Variants in SLC25A10 observed in about 807,000 individuals in gnomAD.
SLC25A10 encodes solute carrier family 25 member 10, also known as mitochondrial dicarboxylate carrier.
A neutral mutation model predicts 40.4 loss-of-function variants in SLC25A10; 32 were observed. The ratio of observed to expected loss-of-function variants is 0.79; its 90% CI spans 0.60 to 1.06. The LOEUF (loss-of-function observed/expected upper bound fraction) is 1.06, where lower values mean the gene tolerates loss of function less well. Among genes scored for constraint, SLC25A10 ranks in the 50% least tolerant of loss-of-function variants. The pLI is 0.00. For synonymous variants in SLC25A10, 181 were observed against 171.1 expected, an observed-to-expected ratio of 1.06 and a Z score of -0.45; for missense variants, 394 against 402.6, an observed-to-expected ratio of 0.98 and a Z score of 0.18.
chr17:81,715,942 C>G, intron 4 of SLC25A10, 67 bp from the exon 5 acceptor site: 8 of 1,523,754 alleles, frequency 5.3e-6, no homozygotes, highest in Non-Finnish European at 7.1e-6. Context: ...GTGAGCTCCC[C>G]TGTGCTGCCA....
rs35550502 is a variant in SLC25A10, at chr17:81,720,819, TG to T, written c.*745del. Reference sequence around the variant, plus strand: ...ATTGTGCCTGCGTCCCTCGGGCACCTGGGCCCCCCCGCTTGGCTCCCTGGGG... The same window carrying T: ...ATTGTGCCTGCGTCCCTCGGGCACCTGGCCCCCCCGCTTGGCTCCCTGGGG... On this transcript the variant is annotated 3_prime_UTR_variant, in exon 11 of 11. Transcript: ENST00000350690. The T allele has an allele frequency of 0.072, 17,205 of 238,880 alleles. 962 individuals are homozygous for T. Among genetic ancestry groups the T allele is most frequent in the East Asian group, 0.27 (3,344 of 12,590 alleles). The allele number at this position is 238,880 out of a possible 1,614,324, so 14.8% of individuals were successfully genotyped here. A position where few individuals can be genotyped will look rare whatever the true frequency, so the allele number is the denominator to read the frequency against.
At chr17:81,718,668 G>T (rs941808639) in intron 9 of SLC25A10, among the ~76,000 whole-genome samples, 1 of 147,288 alleles carries the variant, frequency 6.8e-6, no homozygotes, top group Non-Finnish European at 1.5e-5. Flanking sequence ...ATTTCTTTTC[G>T]GCCAGGCACG....
intron 9 of SLC25A10, among the ~76,000 whole-genome samples, chr17:81,719,453 C>T (rs2037548157): frequency 6.6e-6 from 1 of 152,188 alleles, no homozygotes; most frequent in African/African-American, 2.4e-5. Flanking sequence ...CTGTCTTGGG[C>T]CCCCGCCAAC....
Position 81,715,932 on chromosome 17 carries a change from G to A in SLC25A10, c.378-77G>A, listed in dbSNP as rs2037478112. On this transcript the variant is annotated intron_variant, in intron 4 of 10. Transcript: ENST00000350690. Reference sequence around the variant, plus strand: ...TGTCCTGTGGGCCCCGCTGACCAGCGTGAGCTCCCCTGTGCTGCCAGGGCT... The same window carrying A: ...TGTCCTGTGGGCCCCGCTGACCAGCATGAGCTCCCCTGTGCTGCCAGGGCT... 6.7e-6 allele frequency: 10 copies of A among 1,500,572 alleles called. No individual in the cohort carries two copies. The Admixed American group carries it at 9.8e-5, about 15-fold the overall frequency. The allele number at this position is 1,500,572 out of a possible 1,614,324, so 93.0% of individuals were successfully genotyped here.
In SLC25A10 at chr17:81,715,395, G is replaced by T. The variant is rs547092945; in HGVS notation, c.214-83G>T. On this transcript the variant is annotated intron_variant, in intron 2 of 10. Coordinates refer to ENST00000350690, the MANE Select transcript of SLC25A10 (RefSeq NM_012140.5). ...GGGTCCCTGTGGCCCCTCGGGCTGA[G>T]GGGGATCCCTGGCTGGGCCGGGTGG... is the stretch of plus-strand genomic sequence containing the variant. 6.0e-5 allele frequency: 75 copies of T among 1,253,712 alleles called. No individual in the cohort carries two copies. The African/African-American group carries it at 1.1e-3, about 18-fold the overall frequency. 77.7% of individuals were successfully genotyped at this position (1,253,712 alleles called of 1,614,324 possible).
At chr17:81,718,152 C>T (rs1281013098) in intron 9 of SLC25A10, among the ~76,000 whole-genome samples, 1 of 152,116 alleles carries the variant, frequency 6.6e-6, no homozygotes, top group Non-Finnish European at 1.5e-5. Flanking sequence ...TCAAGACCAG[C>T]CTGGGCAACA....
At chr17:81,717,905 G>T (rs772921561) in intron 9 of SLC25A10, 44 bp downstream of exon 9, 1 of 1,472,796 alleles carries the variant, frequency 6.8e-7, no homozygotes, top group South Asian at 1.2e-5. Context: ...ACAGCCCAGC[G>T]AGTCCCCTCA....
chr17:81,720,014 C>T lies in SLC25A10; in HGVS notation c.801C>T (p.Thr267=), dbSNP rs756115513. ...VPAGIRLIPH[T]VLTFVFLEQL... ...CTGGCATCCGCCTCATCCCCCACAC[C>T]GTGCTCACTTTTGTGTTTCTGGAAC... The change falls in exon 11 of 11, where the codon ACC becomes ACT. Residue 267 remains threonine (T), a synonymous_variant. Transcript: ENST00000350690. The T allele has an allele frequency of 3.7e-5, 60 of 1,613,694 alleles. No individual in the cohort carries two copies. In the Admixed American group the frequency reaches 7.7e-4, roughly 21 times the overall value.
chr17:81,720,897 G>T lies in SLC25A10; in HGVS notation c.*820G>T, dbSNP rs562896100. On this transcript the variant is annotated 3_prime_UTR_variant, in exon 11 of 11. Coordinates refer to ENST00000350690, the MANE Select transcript of SLC25A10 (RefSeq NM_012140.5). ...TCCTTAGGGCCTTCTCCCCGACAAG[G>T]AGTCCGACGGGGCGGATGCTGCATC... The T allele has an allele frequency of 2.4e-4, 41 of 169,926 alleles. 2 individuals are homozygous for T. Among genetic ancestry groups the T allele is most frequent in the Admixed American group, 2.1e-3 (33 of 15,734 alleles). The allele number at this position is 169,926 out of a possible 1,614,324, so 10.5% of individuals were successfully genotyped here.
At position 81,719,950 on chromosome 17, in the gene SLC25A10, C is replaced by G. The variant is rs113485499; in HGVS notation, c.763-26C>G. The G allele has an allele frequency of 1.4e-5, 23 of 1,613,674 alleles. No homozygotes were observed. The African/African-American group carries it at 2.1e-4, about 15-fold the overall frequency. ...GAGCGGGCCCCTTCGGGCTCTGTGT[C>G]TCTCATTTTCCCTGTCTCCCTCCAG... On this transcript the variant is annotated intron_variant, in intron 10 of 10. Transcript: ENST00000350690.
rs751839257 is a variant in SLC25A10, at chr17:81,714,938, C to A, written c.94-15C>A. 10 of 1,605,806 alleles carry A rather than the reference C, an allele frequency of 6.2e-6. No individual in the cohort carries two copies. The Admixed American group carries it at 1.7e-4, about 27-fold the overall frequency. ...TCGGGGTCGCTGTGGGGTCTGAGAG[C>A]ACTCACTCCCGCAGGTGCATCTGCA... On this transcript the variant is annotated splice_polypyrimidine_tract_variant and intron_variant, in intron 1 of 10. Coordinates refer to ENST00000350690, the MANE Select transcript of SLC25A10 (RefSeq NM_012140.5).
intron 1 of SLC25A10, chr17:81,713,350 A>G: frequency 1.7e-6 from 1 of 589,564 alleles, no homozygotes; most frequent in South Asian, 7.4e-5. Flanking sequence ...TCTGCCCAGC[A>G]GGCCCTGCCC....
In SLC25A10 at chr17:81,717,050, G is replaced by T; in HGVS notation, c.512G>T (p.Gly171Val). ...GGTGCAACCATGGCATCCAGCCGAG[G>T]GGCCTTAGTCACTGTGGGCCAGGTA... ...FSGATMASSR[G>V]ALVTVGQLSC... Residue 171 changes from glycine to valine, a missense_variant, in exon 7 of 11, where the codon GGG (glycine) becomes GTG (valine). Transcript: ENST00000350690. The T allele has an allele frequency of 6.2e-7, 1 of 1,613,804 alleles. No individual in the cohort carries two copies. Among genetic ancestry groups the T allele is most frequent in the Non-Finnish European group, 8.5e-7 (1 of 1,179,996 alleles).
At chr17:81,716,646 G>A in intron 5 of SLC25A10, 166 bp from the exon 6 acceptor site, 1 of 667,340 alleles carries the variant, frequency 1.5e-6, no homozygotes, top group South Asian at 1.9e-5. Flanking sequence ...GGGCGAGGTG[G>A]CTGTGGGACG....
Position 81,720,239 on chromosome 17 carries a change from C to T in SLC25A10, c.*162C>T. The T allele has an allele frequency of 6.9e-7, 1 of 1,452,038 alleles. No individual in the cohort carries two copies. Among genetic ancestry groups the T allele is most frequent in the Non-Finnish European group, 9.0e-7 (1 of 1,109,882 alleles). 89.9% of individuals were successfully genotyped at this position (1,452,038 alleles called of 1,614,324 possible). ...CCCCCACCTGCTGGCTGAGCTCCTCCTGGCCTCGTCCCCTCTCAGCTGTAG... is the reference window on the plus strand; with the variant it reads ...CCCCCACCTGCTGGCTGAGCTCCTCTTGGCCTCGTCCCCTCTCAGCTGTAG... On this transcript the variant is annotated 3_prime_UTR_variant, in exon 11 of 11. Coordinates refer to ENST00000350690, the MANE Select transcript of SLC25A10 (RefSeq NM_012140.5).
chr17:81,716,653 G>A, intron 5 of SLC25A10, 159 bp from the exon 6 acceptor site: 3 of 696,162 alleles, frequency 4.3e-6, no homozygotes, highest in Non-Finnish European at 7.2e-6. Flanking sequence ...GTGGCTGTGG[G>A]ACGTCAGGAC....
intron 7 of SLC25A10, 137 bp downstream of exon 7, chr17:81,717,209 G>C (rs546136922): frequency 5.7e-5 from 63 of 1,107,706 alleles, no homozygotes; most frequent in Non-Finnish European, 7.2e-5. Flanking sequence ...GGGGCAGGGT[G>C]GGGGGCACGG....
At position 81,720,422 on chromosome 17, in the gene SLC25A10, C is replaced by T. The variant is rs1347313808; in HGVS notation, c.*345C>T. ...GAGGGGTATTATCCCTGCCTCCTGC[C>T]CCCGATGCCCAAAGCAGCATCTTCC... On this transcript the variant is annotated 3_prime_UTR_variant, in exon 11 of 11. Coordinates refer to ENST00000350690, the MANE Select transcript of SLC25A10 (RefSeq NM_012140.5). The T allele has an allele frequency of 1.5e-6, 2 of 1,372,678 alleles. No individual in the cohort carries two copies. The highest frequency in any genetic ancestry group is 2.9e-5 in the African/African-American group (2 of 68,462). 85.0% of individuals were successfully genotyped at this position (1,372,678 alleles called of 1,614,324 possible).
intron 1 of SLC25A10, among the ~76,000 whole-genome samples, chr17:81,712,914 C>T (rs1053270307): frequency 2.6e-5 from 4 of 152,234 alleles, no homozygotes; most frequent in African/African-American, 4.8e-5. Context: ...GTGAGGTGCA[C>T]AGGTGTTGGC....
Sources: allele counts gnomAD v4.1 joint callset (sites outside exome capture counted in the v4.1 genomes callset), GRCh38; gene constraint gnomAD v4.1.1; transcripts MANE v1.5; gene names NCBI Gene and HGNC (gene_info 2026-07-23, HGNC 2026-07-21).